MGAT5B: variants seen among roughly 807,000 people sequenced by gnomAD.
MGAT5B encodes alpha-1,6-mannosylglycoprotein 6-beta-N-acetylglucosaminyltransferase B.
Under a neutral mutation model 95.1 loss-of-function variants are expected in MGAT5B, and 54 were observed. That is an observed-to-expected ratio of 0.57 (90% CI 0.46 to 0.71). The LOEUF is 0.71. MGAT5B is among the 30% of genes least tolerant of loss of function. MGAT5B has a pLI of 0.00. For synonymous variants in MGAT5B, 464 were observed against 451.0 expected (o/e 1.03, Z -0.36); for missense variants, 935 against 1,088.6 (o/e 0.86, Z 1.99).
At chr17:76,948,198 T>C (rs1221702279) in intron 17 of MGAT5B, 112 bp downstream of exon 17, 1 of 1,447,958 alleles carries the variant, frequency 6.9e-7, no homozygotes, top group East Asian at 2.4e-5. Flanking sequence ...TGTGGGGGGA[T>C]GTAATGCTTT....
In MGAT5B at chr17:76,882,101, C is replaced by T. The variant is rs753616063; in HGVS notation, c.182-50C>T. 3.9e-6 allele frequency: 6 copies of T among 1,550,594 alleles called. No individual in the cohort carries two copies. In the South Asian group the frequency reaches 7.4e-5, roughly 19 times the overall value. On this transcript the variant is annotated intron_variant, in intron 2 of 17. Transcript: ENST00000569840. ...CTGCCCCAGCTCGGACACCAGGTGG[C>T]CTCCAGGCTGCTCGGGCCTCCCCTA...
chr17:76,881,214 A>G (rs974106064), intron 2 of MGAT5B, among the ~76,000 whole-genome samples: 7 of 152,310 alleles, frequency 4.6e-5, no homozygotes, highest in Admixed American at 1.3e-4. Flanking sequence ...TTAGAAAGGA[A>G]GCCGTGGAGG....
chr17:76,908,853 C>G (rs1968630489), intron 8 of MGAT5B, among the ~76,000 whole-genome samples: 1 of 151,120 alleles, frequency 6.6e-6, no homozygotes, highest in Non-Finnish European at 1.5e-5. Context: ...GTCACCCAGG[C>G]TGGAGTGCAG....
At chr17:76,871,806 A>G (rs991255918) in intron 1 of MGAT5B, among the ~76,000 whole-genome samples, 2 of 152,148 alleles carry the variant, frequency 1.3e-5, no homozygotes, top group African/African-American at 4.8e-5. Flanking sequence ...TCTCAGCTCT[A>G]CCAGTTCATC....
At chr17:76,883,897 G>A (rs977735730) in intron 3 of MGAT5B, among the ~76,000 whole-genome samples, 4 of 152,176 alleles carry the variant, frequency 2.6e-5, no homozygotes, top group African/African-American at 9.6e-5. Context: ...CCTGAGTCAG[G>A]CCTGAAACAC....
intron 15 of MGAT5B, among the ~76,000 whole-genome samples, chr17:76,941,637 C>G (rs1257261518): frequency 6.6e-6 from 1 of 152,098 alleles, no homozygotes; most frequent in African/African-American, 2.4e-5. Flanking sequence ...AGGCGGGCAG[C>G]TCACTTGAGG....
At chr17:76,885,809 C>T (rs568339749) in intron 3 of MGAT5B, among the ~76,000 whole-genome samples, 100 of 152,302 alleles carry the variant, frequency 6.6e-4, no homozygotes, top group African/African-American at 2.2e-3. Context: ...ACTGCTGCCC[C>T]CTCCGCACCC....
At position 76,872,895 on chromosome 17, in the gene MGAT5B, T is replaced by G; in HGVS notation, c.113T>G (p.Met38Arg). The change falls in exon 2 of 18, where the codon ATG (methionine) becomes AGG (arginine). Residue 38 changes from methionine (M) to arginine (R), a missense_variant. Met to Arg is a moderately conservative substitution (Grantham distance 91, BLOSUM62 -1). Transcript: ENST00000569840. ...GIGFFTLCFL[M>R]TSLGGQFSAR... ...GGCTTCTTCACTCTCTGCTTCCTGA[T>G]GACGTCTCTGGGAGGCCAGTTCTCG... The G allele has an allele frequency of 6.2e-7, 1 of 1,614,248 alleles. No individual in the cohort carries two copies. The highest frequency in any genetic ancestry group is 2.2e-5 in the East Asian group (1 of 44,888).
chr17:76,909,630 T>C (rs868747017), intron 8 of MGAT5B, among the ~76,000 whole-genome samples: 5 of 152,242 alleles, frequency 3.3e-5, no homozygotes, highest in Non-Finnish European at 5.9e-5. Context: ...CTTGGGCAGC[T>C]ACTCAGTTTC....
At chr17:76,936,873 T>C (rs1416038548) in intron 12 of MGAT5B, among the ~76,000 whole-genome samples, 1 of 152,362 alleles carries the variant, frequency 6.6e-6, no homozygotes, top group East Asian at 1.9e-4. Context: ...ATCGGTAATA[T>C]AAGCCTGCTA....
At chr17:76,893,601 G>A (rs1348465614) in intron 3 of MGAT5B, among the ~76,000 whole-genome samples, 1 of 152,254 alleles carries the variant, frequency 6.6e-6, no homozygotes, top group Admixed American at 6.5e-5. Flanking sequence ...TTGGTGGTGG[G>A]AGTGAGGCCC....
Position 76,914,745 on chromosome 17 carries a change from C to T in MGAT5B, c.1025+8558C>T, listed in dbSNP as rs553674555. 1.3e-5 allele frequency among the ~76,000 whole-genome samples: 2 copies of T among 152,136 alleles called. No homozygotes were observed. The highest frequency in any genetic ancestry group is 2.1e-4 in the South Asian group (1 of 4,822). On this transcript the variant is annotated intron_variant, in intron 8 of 17. Coordinates refer to ENST00000569840, the MANE Select transcript of MGAT5B (RefSeq NM_001199172.2). The surrounding 1 kb of genome is among the most constrained non-coding windows in gnomAD (Gnocchi z 5.1). ...CCTCCACCTCCGGGTTCAAGTGATTCTCCTGCCTCAGCCTCCCGAGTAGCT... is the reference window on the plus strand; with the variant it reads ...CCTCCACCTCCGGGTTCAAGTGATTTTCCTGCCTCAGCCTCCCGAGTAGCT...
At chr17:76,897,054 C>A (rs1262243437) in intron 3 of MGAT5B, among the ~76,000 whole-genome samples, 1 of 151,996 alleles carries the variant, frequency 6.6e-6, no homozygotes, top group Non-Finnish European at 1.5e-5. Flanking sequence ...TAGCTGGGAC[C>A]ACAGGCGCAC....
At chr17:76,942,916 G>T (rs1386069431) in intron 15 of MGAT5B, among the ~76,000 whole-genome samples, 4 of 152,194 alleles carry the variant, frequency 2.6e-5, no homozygotes, top group African/African-American at 7.2e-5. Flanking sequence ...AGGGGCTCGG[G>T]CAAGGCTGGG....
Position 76,869,178 on chromosome 17 carries a change from A to G in MGAT5B, c.68+81A>G. The G allele has an allele frequency of 7.9e-7, 1 of 1,263,940 alleles. No homozygotes were observed. The highest frequency in any genetic ancestry group is 1.7e-5 in the Admixed American group (1 of 58,826). 78.3% of individuals were successfully genotyped at this position (1,263,940 alleles called of 1,614,324 possible). On this transcript the variant is annotated intron_variant, in intron 1 of 17. Transcript: ENST00000569840. The surrounding 1 kb of genome is among the most constrained non-coding windows in gnomAD (Gnocchi z 7.0). ...CGAGGTCGGTTCCTGCGAACGTTCAAGTCCTGGTGGCAGAGGGGGCGGTTC... is the reference window on the plus strand; with the variant it reads ...CGAGGTCGGTTCCTGCGAACGTTCAGGTCCTGGTGGCAGAGGGGGCGGTTC...
At chr17:76,880,941 C>T (rs150387885) in intron 2 of MGAT5B, among the ~76,000 whole-genome samples, 14 of 152,362 alleles carry the variant, frequency 9.2e-5, no homozygotes, top group African/African-American at 3.1e-4. Context: ...CAACCCACGG[C>T]ATCCTCCATT....
rs1968797517 is a variant in MGAT5B, at chr17:76,912,947, A to G, written c.1025+6760A>G. Among the ~76,000 whole-genome samples the G allele has an allele frequency of 6.6e-6, 1 of 152,226 alleles. No individual in the cohort carries two copies. Among genetic ancestry groups the G allele is most frequent in the African/African-American group, 2.4e-5 (1 of 41,468 alleles). On this transcript the variant is annotated intron_variant, in intron 8 of 17. Coordinates refer to ENST00000569840, the MANE Select transcript of MGAT5B (RefSeq NM_001199172.2). This position sits in a 1 kb window ranked among gnomAD's most constrained non-coding sequence, Gnocchi z 5.0. ...TGCTTTCCTAGCATCAGCTGTGCTC[A>G]TCAATTTTATTTGCACAATTTCAAG...
intron 10 of MGAT5B, among the ~76,000 whole-genome samples, chr17:76,928,898 C>T (rs1326661315): frequency 6.8e-6 from 1 of 147,520 alleles, no homozygotes; most frequent in South Asian, 2.1e-4. Flanking sequence ...TTTTTTGAGA[C>T]TCTGTCACTC....
At chr17:76,943,081 A>C (rs1315301424) in intron 15 of MGAT5B, among the ~76,000 whole-genome samples, 1 of 151,990 alleles carries the variant, frequency 6.6e-6, no homozygotes, top group Non-Finnish European at 1.5e-5. Context: ...GGCTGTGTGC[A>C]TGAAGGTGCT....
Sources: gnomAD v4.1 joint callset for allele counts (sites outside exome capture counted in the v4.1 genomes callset) on GRCh38, gnomAD v4.1.1 for gene constraint, Gnocchi (gnomAD v3.1) non-coding constraint, MANE v1.5 for transcripts, NCBI Gene and HGNC (gene_info 2026-07-23, HGNC 2026-07-21) for gene names.